The following TRIM77 variants were observed in gnomAD, a reference collection of about 807,000 sequenced individuals.
TRIM77 encodes tripartite motif containing 77, also known as tripartite motif-containing protein 77.
A neutral mutation model predicts 31.8 loss-of-function variants in TRIM77; 23 were observed. That is an observed-to-expected ratio of 0.72 (90% confidence interval 0.52 to 1.02). The LOEUF (loss-of-function observed/expected upper bound fraction) is 1.02. Among genes scored for constraint, TRIM77 ranks in the 50% least tolerant of loss-of-function variants. TRIM77 has a pLI of 0.00. For missense variants in TRIM77, 446 were observed against 539.2 expected, an observed-to-expected ratio of 0.83 and a Z score of 1.71; for synonymous variants, 159 against 183.1, an observed-to-expected ratio of 0.87 and a Z score of 1.06.
intron 2 of TRIM77, among the ~76,000 whole-genome samples, chr11:89,713,177 G>A (rs1469034830): frequency 6.7e-6 from 1 of 150,188 alleles, no homozygotes; most frequent in Non-Finnish European, 1.5e-5. Flanking sequence ...GACGCAGGCT[G>A]AGGCAGGAGA....
intron 3 of TRIM77, among the ~76,000 whole-genome samples, chr11:89,714,855 C>T (rs1341176908): frequency 6.6e-6 from 1 of 152,178 alleles, no homozygotes; most frequent in Non-Finnish European, 1.5e-5. Flanking sequence ...TTGTGGGGAC[C>T]TCTGTCAATC....
At chr11:89,712,534 A>G (rs537365935) in intron 2 of TRIM77, among the ~76,000 whole-genome samples, 2 of 152,338 alleles carry the variant, frequency 1.3e-5, no homozygotes, top group African/African-American at 4.8e-5. Context: ...TGTAGAATCT[A>G]TGCTGGCCAA....
At position 89,717,121 on chromosome 11, in the gene TRIM77, T is replaced by C. The variant is rs749416640; in HGVS notation, c.860-258T>C. ...ACTCTGTATGCCACTCGTGATAGAGTGGTATGCCGGACCCAGTTAGTACTG... is the reference window on the plus strand; with the variant it reads ...ACTCTGTATGCCACTCGTGATAGAGCGGTATGCCGGACCCAGTTAGTACTG... On this transcript the variant is annotated intron_variant, in intron 5 of 5. Transcript: ENST00000398290. 2.1e-4 allele frequency among the ~76,000 whole-genome samples: 32 copies of C among 152,070 alleles called. 1 individual carries two copies. Among genetic ancestry groups the C allele is most frequent in the Non-Finnish European group, 4.4e-4 (30 of 68,014 alleles).
rs779471943 is a variant in TRIM77, at chr11:89,717,823, G to A, written c.1304G>A (p.Arg435His). ...QSSLICSFLS[R>H]IFYFPLRPFI... ...TCCCTCATTTGTAGTTTCCTCTCAC[G>A]CATCTTCTATTTTCCTCTCAGACCT... The change falls in exon 6 of 6, where the codon CGC becomes CAC. Residue 435 changes from arginine to histidine, a missense_variant. Around this residue, in one of 3 missense-constraint regions of TRIM77, gnomAD observed 366 missense variants for 447.9 expected, o/e 0.82. Transcript: ENST00000398290. 2.0e-5 allele frequency: 31 copies of A among 1,549,364 alleles called. No homozygotes were observed. The highest frequency in any genetic ancestry group is 4.9e-5 in the East Asian group (2 of 40,908).
chr11:89,714,758 T>G (rs1391505986), intron 3 of TRIM77, among the ~76,000 whole-genome samples: 1 of 152,318 alleles, frequency 6.6e-6, no homozygotes, highest in East Asian at 1.9e-4. Flanking sequence ...GATGTGTCAA[T>G]ATGTGAAAGT....
At chr11:89,716,043 C>T in intron 5 of TRIM77, 56 bp downstream of exon 5, 1 of 1,111,374 alleles carries the variant, frequency 9.0e-7, no homozygotes, top group Non-Finnish European at 1.3e-6. Context: ...TATGGGTGAC[C>T]TATATTCAGT....
Position 89,717,727 on chromosome 11 carries a change from C to G in TRIM77, c.1208C>G (p.Pro403Arg). Reference protein sequence around the residue: ...SPLLPHYIPRPQGWLGVFLDY... With the variant: ...SPLLPHYIPRRQGWLGVFLDY... ...CTGTTACCTCACTATATTCCAAGGC[C>G]CCAAGGCTGGCTAGGGGTGTTCCTG... Residue 403 changes from proline to arginine, a missense_variant, in exon 6 of 6, where the codon CCC (proline) becomes CGC (arginine). Around this residue, in one of 3 missense-constraint regions of TRIM77, gnomAD observed 366 missense variants for 447.9 expected, o/e 0.82. Transcript: ENST00000398290. 6.4e-7 allele frequency: 1 copy of G among 1,551,234 alleles called. No homozygotes were observed. The highest frequency in any genetic ancestry group is 8.7e-7 in the Non-Finnish European group (1 of 1,146,706).
chr11:89,714,517 C>T (rs1181641929), intron 3 of TRIM77, 95 bp downstream of exon 3: 23 of 907,494 alleles, frequency 2.5e-5, no homozygotes, highest in Non-Finnish European at 3.4e-5. Flanking sequence ...ATTACTTTTC[C>T]GGTTCCAAAT....
At chr11:89,715,296 T>G (rs1187846481) in intron 4 of TRIM77, 116 bp downstream of exon 4, 2 of 956,106 alleles carry the variant, frequency 2.1e-6, no homozygotes, top group East Asian at 5.2e-5. Context: ...TCCTTTCTTA[T>G]CAAAGGTCAT....
At chr11:89,715,374 T>C (rs1949153617) in intron 4 of TRIM77, among the ~76,000 whole-genome samples, 194 bp downstream of exon 4, 1 of 152,224 alleles carries the variant, frequency 6.6e-6, no homozygotes, top group Non-Finnish European at 1.5e-5. Context: ...TTGCAAGGCC[T>C]AATGTAGAAG....
In TRIM77 at chr11:89,715,931, C is replaced by T. The variant is rs757980131; in HGVS notation, c.803C>T (p.Pro268Leu). 9 of 1,546,826 alleles carry T rather than the reference C, an allele frequency of 5.8e-6. 1 individual carries two copies. The Admixed American group carries it at 7.9e-5, about 14-fold the overall frequency. Residue 268 changes from proline to leucine, a missense_variant, in exon 5 of 6, where the codon CCA becomes CTA. Pro to Leu is a moderately conservative substitution (Grantham distance 98). Transcript: ENST00000398290. Reference sequence around the variant, plus strand: ...CTGGCCATGCCTCAGCCTGTGAACCCACAGCTCAGTGCATGGACCATCACT... The same window carrying T: ...CTGGCCATGCCTCAGCCTGTGAACCTACAGCTCAGTGCATGGACCATCACT... ...LRLAMPQPVNPQLSAWTITGV... is the reference protein window; with the variant it reads ...LRLAMPQPVNLQLSAWTITGV...
chr11:89,714,487 C>A, intron 3 of TRIM77, 65 bp downstream of exon 3: 1 of 1,088,716 alleles, frequency 9.2e-7, no homozygotes, highest in Non-Finnish European at 1.3e-6. Flanking sequence ...CTGCTAGAGT[C>A]TATATCCTTT....
intron 5 of TRIM77, among the ~76,000 whole-genome samples, chr11:89,716,340 T>A (rs1161400636): frequency 4.6e-5 from 7 of 152,198 alleles, no homozygotes; most frequent in Non-Finnish European, 7.3e-5. Context: ...CTGGTTATAT[T>A]TACACGATCC....
At chr11:89,711,383 G>T in intron 1 of TRIM77, 27 bp from the exon 2 acceptor site, 1 of 1,190,044 alleles carries the variant, frequency 8.4e-7, no homozygotes, top group Non-Finnish European at 1.2e-6. Flanking sequence ...CTTTTCTAGT[G>T]CTCAGATTTA....
chr11:89,717,375 A>G lies in TRIM77; in HGVS notation c.860-4A>G, dbSNP rs1245352111. 12 of 1,530,162 alleles carry G rather than the reference A, an allele frequency of 7.8e-6. No individual in the cohort carries two copies. The highest frequency in any genetic ancestry group is 1.1e-5 in the Non-Finnish European group (12 of 1,135,520). The allele number at this position is 1,530,162 out of a possible 1,614,324, so 94.8% of individuals were successfully genotyped here. On this transcript the variant is annotated splice_polypyrimidine_tract_variant and splice_region_variant and intron_variant, in intron 5 of 5. Transcript: ENST00000398290. The stretch of plus-strand genomic sequence containing the variant: ...TTTGCATTCACTGTTTTCTTTTGCC[A>G]TAGTGTATATCACCTTGGATCGTAA...
In TRIM77 at chr11:89,715,152, T is replaced by C. The variant is rs767334611; in HGVS notation, c.739-6T>C. On this transcript the variant is annotated splice_region_variant and splice_polypyrimidine_tract_variant and intron_variant, in intron 3 of 5. Transcript: ENST00000398290. ...GCAAACTAAGCAATCCTCTCTCTCT[T>C]TATAGGATTTGGGAGACGTAATGAA... The C allele has an allele frequency of 2.6e-6, 4 of 1,551,304 alleles. No homozygotes were observed. In the African/African-American group the frequency reaches 5.5e-5, roughly 21 times the overall value.
Position 89,717,634 on chromosome 11 carries a change from CTG to C in TRIM77, c.1116_1117del (p.Glu373GlyfsTer12). ...AAGAGGAATGACATGCGACTTGACTCTGAGGGTATCTTTCTACTCCTGTGTCT... is the reference window on the plus strand; with the variant it reads ...AAGAGGAATGACATGCGACTTGACTCAGGGTATCTTTCTACTCCTGTGTCT... On this transcript the variant is annotated frameshift_variant, in exon 6 of 6. Coordinates refer to ENST00000398290, the MANE Select transcript of TRIM77 (RefSeq NM_001146162.1). LOFTEE classifies it low-confidence loss of function (END_TRUNC). 6.4e-7 allele frequency: 1 copy of C among 1,551,336 alleles called. No individual in the cohort carries two copies. The highest frequency in any genetic ancestry group is 2.4e-5 in the East Asian group (1 of 40,900).
intron 5 of TRIM77, 143 bp from the exon 6 acceptor site, chr11:89,717,236 A>C: frequency 1.3e-6 from 1 of 774,406 alleles, no homozygotes; most frequent in Admixed American, 3.1e-5. Flanking sequence ...GTGAGGTGGA[A>C]ATATTCCTAA....
intron 4 of TRIM77, 77 bp downstream of exon 4, chr11:89,715,257 T>C: frequency 1.5e-6 from 2 of 1,294,752 alleles, no homozygotes; most frequent in Non-Finnish European, 1.1e-6. Flanking sequence ...GACCCACACT[T>C]TTAGTGAGGA....
Sources: gnomAD v4.1 joint callset for allele counts (sites outside exome capture counted in the v4.1 genomes callset) on GRCh38, gnomAD v4.1.1 for gene constraint, gnomAD v4.1.1 regional missense constraint, MANE v1.5 for transcripts, NCBI Gene and HGNC (gene_info 2026-07-23, HGNC 2026-07-21) for gene names.